EBF3: variants seen among roughly 807,000 people sequenced by gnomAD.
EBF3 encodes the protein transcription factor COE3.
EBF3 carries 18 observed loss-of-function variants against 77.1 expected under a neutral mutation model. The observed-to-expected ratio is 0.23, with a 90% CI of 0.16 to 0.35. The LOEUF is 0.35. Among genes scored for constraint, EBF3 ranks in the 10% least tolerant of loss-of-function variants. EBF3 has a pLI of 1.00. For missense variants in EBF3, 558 were observed against 860.0 expected, an observed-to-expected ratio of 0.65 and a Z score of 4.39; for synonymous variants, 350 against 343.5, an observed-to-expected ratio of 1.02 and a Z score of -0.21.
rs907340603 is a variant in EBF3 at position 129,842,111 on chromosome 10, C to T, written c.1372+5G>A. The stretch of plus-strand genomic sequence containing the variant: ...GGCAGGGGTCCTCCCAGCATGCTGG[C>T]ATACCTTGGTCGTTGGCTTGTGACG... On this transcript the variant is annotated splice_donor_5th_base_variant and intron_variant, in intron 13 of 16. Transcript: ENST00000440978. This position sits in a 1 kb window ranked among gnomAD's most constrained non-coding sequence, Gnocchi z 4.4. The T allele has an allele frequency of 2.5e-6, 4 of 1,614,078 alleles. No individual in the cohort carries two copies. Among genetic ancestry groups the T allele is most frequent in the Admixed American group, 1.7e-5 (1 of 60,002 alleles).
chr10:129,847,705 A>G (rs1850569625), intron 11 of EBF3, among the ~76,000 whole-genome samples: 1 of 152,220 alleles, frequency 6.6e-6, no homozygotes, highest in Non-Finnish European at 1.5e-5. Context: ...TAGGGCTTCT[A>G]AAGAGAGAAA....
chr10:129,948,901 G>A (rs1311087864), intron 6 of EBF3, among the ~76,000 whole-genome samples: 1 of 152,136 alleles, frequency 6.6e-6, no homozygotes, highest in Non-Finnish European at 1.5e-5. Flanking sequence ...AGAGCCGGAC[G>A]TGTGGTTCTT....
At chr10:129,857,877 A>T (rs1390787814) in intron 10 of EBF3, among the ~76,000 whole-genome samples, 1 of 152,236 alleles carries the variant, frequency 6.6e-6, no homozygotes, top group Non-Finnish European at 1.5e-5. Context: ...CCAGGGGCAG[A>T]TTCCAAACCA....
chr10:129,961,912 A>G (rs948173274), intron 4 of EBF3, among the ~76,000 whole-genome samples: 7 of 152,234 alleles, frequency 4.6e-5, no homozygotes, highest in African/African-American at 1.4e-4. Flanking sequence ...AATATTAATT[A>G]CCATAATTAA....
At position 129,867,814 on chromosome 10, in the gene EBF3, C is replaced by T. The variant is rs749069956; in HGVS notation, c.880G>A (p.Val294Ile). Residue 294 changes from valine (V) to isoleucine (I), a missense_variant, in exon 9 of 17, where the codon GTT (valine) becomes ATT (isoleucine). Transcript: ENST00000440978. ...IGDNFFDGLQ[V>I]VFGTMLVWSE... is the part of the protein sequence containing the mutation. ...CACACCAACATAGTTCCGAATACAA[C>T]TTGCAGCCCGTCAAAGAAGTTGTCG... 3.7e-6 allele frequency: 6 copies of T among 1,614,122 alleles called. No homozygotes were observed. Among genetic ancestry groups the T allele is most frequent in the Non-Finnish European group, 4.2e-6 (5 of 1,180,058 alleles).
At chr10:129,884,573 T>C (rs1187719293) in intron 6 of EBF3, among the ~76,000 whole-genome samples, 1 of 152,190 alleles carries the variant, frequency 6.6e-6, no homozygotes, top group Non-Finnish European at 1.5e-5. Flanking sequence ...TCTCATATAC[T>C]TGTAGTGCCT....
rs950566810 is a variant in EBF3, at chr10:129,947,762, C to T, written c.554+9496G>A. 1.3e-5 allele frequency among the ~76,000 whole-genome samples: 2 copies of T among 151,184 alleles called. No individual in the cohort carries two copies. The highest frequency in any genetic ancestry group is 2.1e-4 in the South Asian group (1 of 4,768). ...AACCCCACTGATGACATCCAAACAC[C>T]GAAACATGACCTGCTACCTTGACAA... On this transcript the variant is annotated intron_variant, in intron 6 of 16. Coordinates refer to ENST00000440978, the MANE Select transcript of EBF3 (RefSeq NM_001375380.1). This position sits in a 1 kb window ranked among gnomAD's most constrained non-coding sequence, Gnocchi z 4.5.
Position 129,848,543 on chromosome 10 carries a change from AT to A in EBF3, c.1040-64del, listed in dbSNP as rs1487814681. The A allele has an allele frequency of 6.5e-7, 1 of 1,534,090 alleles. No individual in the cohort carries two copies. Among genetic ancestry groups the A allele is most frequent in the Non-Finnish European group, 9.0e-7 (1 of 1,107,298 alleles). Reference sequence around the variant, plus strand: ...CTTTTATGTCATCCATTACTCGTTTATTGCACACTTACAAATAAATGTGTAG... The same window carrying A: ...CTTTTATGTCATCCATTACTCGTTTATGCACACTTACAAATAAATGTGTAG... On this transcript the variant is annotated intron_variant, in intron 10 of 16. Transcript: ENST00000440978. This position sits in a 1 kb window ranked among gnomAD's most constrained non-coding sequence, Gnocchi z 4.4.
At chr10:129,903,983 GT>G (rs1174259346) in intron 6 of EBF3, among the ~76,000 whole-genome samples, 1 of 152,180 alleles carries the variant, frequency 6.6e-6, no homozygotes, top group Non-Finnish European at 1.5e-5. Context: ...CCCTGGAAAA[GT>G]TGCTGCCACT....
Position 129,963,204 on chromosome 10 carries a change from T to C in EBF3, c.291+163A>G. The C allele has an allele frequency of 1.7e-6, 2 of 1,190,526 alleles. No individual in the cohort carries two copies. Among genetic ancestry groups the C allele is most frequent in the Non-Finnish European group, 2.3e-6 (2 of 880,382 alleles). The allele number at this position is 1,190,526 out of a possible 1,614,324, so 73.7% of individuals were successfully genotyped here. A position where few individuals can be genotyped will look rare whatever the true frequency, so the allele number is the denominator to read the frequency against. ...AGTAAGTCCGAGGGCGCAGAGAAGT[T>C]GCCCAGCCCTCGGCGGTCCCGGGCG... On this transcript the variant is annotated intron_variant, in intron 2 of 16. Transcript: ENST00000440978. The surrounding 1 kb of genome is among the most constrained non-coding windows in gnomAD (Gnocchi z 7.1).
intron 6 of EBF3, among the ~76,000 whole-genome samples, chr10:129,908,092 T>A (rs1196167998): frequency 6.6e-6 from 1 of 152,196 alleles, no homozygotes; most frequent in African/African-American, 2.4e-5. Flanking sequence ...ATAAATATTT[T>A]TTATTATTTG....
At chr10:129,895,290 G>A (rs1854291813) in intron 6 of EBF3, among the ~76,000 whole-genome samples, 1 of 152,238 alleles carries the variant, frequency 6.6e-6, no homozygotes, top group East Asian at 1.9e-4. Flanking sequence ...CCTCTGCGAA[G>A]TGGATGGATG....
At chr10:129,839,379 C>A (rs765856733) in intron 15 of EBF3, among the ~76,000 whole-genome samples, 184 bp from the exon 16 acceptor site, 1 of 152,244 alleles carries the variant, frequency 6.6e-6, no homozygotes, top group Non-Finnish European at 1.5e-5. Context: ...CTCGCAAGTT[C>A]ATGAGGCCTG....
At chr10:129,865,727 G>A (rs563140054) in intron 10 of EBF3, among the ~76,000 whole-genome samples, 31 of 152,300 alleles carry the variant, frequency 2.0e-4, no homozygotes, top group Admixed American at 1.7e-3. Context: ...TGCTCACTCC[G>A]TCCTTCCTAA....
intron 8 of EBF3, 33 bp downstream of exon 8, chr10:129,873,419 G>T: frequency 1.4e-6 from 2 of 1,478,414 alleles, no homozygotes; most frequent in South Asian, 1.4e-5. Flanking sequence ...AAGAAGCATC[G>T]CAAATAAAAA....
intron 6 of EBF3, among the ~76,000 whole-genome samples, chr10:129,936,899 T>C (rs72837183): frequency 0.015 from 2,334 of 152,290 alleles, 28 homozygotes; most frequent in Middle Eastern, 0.048. Flanking sequence ...AGGAGGGCCA[T>C]GCTTTGGCCA....
At chr10:129,877,998 CT>C in intron 6 of EBF3, 149 bp from the exon 7 acceptor site, 1 of 638,028 alleles carries the variant, frequency 1.6e-6, no homozygotes, top group Non-Finnish European at 2.6e-6. Context: ...AGAAGAGGCT[CT>C]GGGAGAGGCG....
intron 6 of EBF3, among the ~76,000 whole-genome samples, chr10:129,923,500 A>G (rs1856451622): frequency 6.6e-6 from 1 of 152,248 alleles, no homozygotes; most frequent in Non-Finnish European, 1.5e-5. Context: ...CATATGGTGA[A>G]GAGATTTCAA....
At chr10:129,951,445 T>C (rs1858673747) in intron 6 of EBF3, among the ~76,000 whole-genome samples, 1 of 152,214 alleles carries the variant, frequency 6.6e-6, no homozygotes, top group Non-Finnish European at 1.5e-5. Context: ...TGCACGTTCA[T>C]ACCCGGCTGC....
Sources: gnomAD v4.1 joint callset for allele counts (sites outside exome capture counted in the v4.1 genomes callset) on GRCh38, gnomAD v4.1.1 for gene constraint, Gnocchi (gnomAD v3.1) non-coding constraint, MANE v1.5 for transcripts, NCBI Gene and HGNC (gene_info 2026-07-23, HGNC 2026-07-21) for gene names.